The following PRKCB variants were observed in gnomAD, a reference collection of about 807,000 sequenced individuals.
PRKCB encodes protein kinase C beta type.
In PRKCB, 13 loss-of-function variants were observed where a neutral mutation model predicts 81.5. That is an observed-to-expected ratio of 0.16 (90% CI 0.10 to 0.25). The LOEUF (loss-of-function observed/expected upper bound fraction) is 0.25. Ranked by LOEUF, PRKCB falls within the 10% of genes least tolerant of loss-of-function variation. The pLI is 1.00. For missense variants in PRKCB, 509 were observed against 875.7 expected (o/e 0.58, Z 5.29); for synonymous variants, 335 against 321.4 (o/e 1.04, Z -0.45).
intron 5 of PRKCB, among the ~76,000 whole-genome samples, chr16:24,046,195 G>A (rs1965762298): frequency 6.6e-6 from 1 of 152,216 alleles, no homozygotes; most frequent in African/African-American, 2.4e-5. Context: ...TTTCTGGATG[G>A]CTTGCTGCAC....
intron 3 of PRKCB, among the ~76,000 whole-genome samples, chr16:23,995,798 C>T (rs1390869593): frequency 1.3e-5 from 2 of 152,230 alleles, no homozygotes; most frequent in Non-Finnish European, 2.9e-5. Context: ...CACCTTTGGG[C>T]TCATGAGGAG....
At chr16:24,171,300 G>A (rs1253519766) in intron 10 of PRKCB, among the ~76,000 whole-genome samples, 2 of 152,196 alleles carry the variant, frequency 1.3e-5, no homozygotes, top group Non-Finnish European at 2.9e-5. Context: ...CTGGCAGGAG[G>A]CCTCAGTTCT....
intron 2 of PRKCB, among the ~76,000 whole-genome samples, chr16:23,929,927 A>G (rs1261783272): frequency 6.6e-6 from 1 of 151,992 alleles, no homozygotes; most frequent in Non-Finnish European, 1.5e-5. Context: ...ACAGCGTACT[A>G]TGAAATGTGA....
chr16:23,921,981 G>T (rs1403157813), intron 2 of PRKCB, among the ~76,000 whole-genome samples: 1 of 152,106 alleles, frequency 6.6e-6, no homozygotes, highest in African/African-American at 2.4e-5. Flanking sequence ...GGCAGAGCAG[G>T]CAGGGGAACA....
At chr16:24,211,052 C>A (rs1011802926) in intron 16 of PRKCB, among the ~76,000 whole-genome samples, 1 of 151,962 alleles carries the variant, frequency 6.6e-6, no homozygotes, top group African/African-American at 2.4e-5. Flanking sequence ...GTGAGTTTAC[C>A]GAGGGGTCAT....
In PRKCB at chr16:24,218,511, C is replaced by A; in HGVS notation, c.*3695C>A. ...GTGCTCCTGAGTTCAGTGTGCCCAC[C>A]TCACTCCCACACCCTCACATAGACT... is the stretch of plus-strand genomic sequence containing the variant. On this transcript the variant is annotated 3_prime_UTR_variant, in exon 17 of 17. Transcript: ENST00000643927. The A allele has an allele frequency of 1.0e-6, 1 of 985,442 alleles. No homozygotes were observed. The highest frequency in any genetic ancestry group is 1.2e-6 in the Non-Finnish European group (1 of 829,950). The allele number at this position is 985,442 out of a possible 1,614,324, so 61.0% of individuals were successfully genotyped here.
At chr16:23,920,936 G>C (rs1206266750) in intron 2 of PRKCB, among the ~76,000 whole-genome samples, 1 of 152,140 alleles carries the variant, frequency 6.6e-6, no homozygotes, top group Non-Finnish European at 1.5e-5. Context: ...CACATGGCTG[G>C]GGAGGCCTCA....
chr16:24,141,461 G>T (rs1414531392), intron 9 of PRKCB, among the ~76,000 whole-genome samples: 2 of 152,204 alleles, frequency 1.3e-5, no homozygotes, highest in African/African-American at 4.8e-5. Flanking sequence ...CTCCCAAAGT[G>T]CTGGGATTAC....
At chr16:24,037,567 A>C (rs1173292717) in intron 5 of PRKCB, among the ~76,000 whole-genome samples, 6 of 152,050 alleles carry the variant, frequency 3.9e-5, no homozygotes, top group Non-Finnish European at 7.4e-5. Flanking sequence ...TTTTTTGTTT[A>C]GTTTAGTTTC....
intron 13 of PRKCB, among the ~76,000 whole-genome samples, chr16:24,183,593 A>G (rs1182573008): frequency 6.6e-6 from 1 of 152,282 alleles, no homozygotes; most frequent in African/African-American, 2.4e-5. Context: ...TTAAACAAGC[A>G]ATAACTGAAT....
At chr16:24,182,109 T>G (rs902344775) in intron 13 of PRKCB, among the ~76,000 whole-genome samples, 3 of 152,202 alleles carry the variant, frequency 2.0e-5, no homozygotes, top group African/African-American at 7.2e-5. Flanking sequence ...ATTATCATTT[T>G]GTTAATTAAT....
chr16:24,070,251 C>T (rs542854892), intron 5 of PRKCB, among the ~76,000 whole-genome samples: 19 of 151,288 alleles, frequency 1.3e-4, no homozygotes, highest in African/African-American at 3.9e-4. Flanking sequence ...TGGGTTCAAG[C>T]GATTCTTGTG....
intron 5 of PRKCB, among the ~76,000 whole-genome samples, chr16:24,078,850 C>T (rs1316434160): frequency 6.6e-6 from 1 of 152,152 alleles, no homozygotes; most frequent in African/African-American, 2.4e-5. Flanking sequence ...AGGGAAACCG[C>T]TGTAGAAAAT....
chr16:24,126,825 C>T (rs150730678), intron 9 of PRKCB, among the ~76,000 whole-genome samples: 4 of 151,726 alleles, frequency 2.6e-5, no homozygotes, highest in East Asian at 1.9e-4. Flanking sequence ...CATGAGCCAC[C>T]GCACCTGACC....
intron 2 of PRKCB, among the ~76,000 whole-genome samples, chr16:23,848,610 C>T (rs115503754): frequency 0.013 from 2,000 of 152,294 alleles, 39 homozygotes; most frequent in African/African-American, 0.045. Flanking sequence ...CCCTCTCCCT[C>T]TCCACTGCTG....
Position 24,134,590 on chromosome 16 carries a change from C to T in PRKCB, c.1065+10609C>T, listed in dbSNP as rs568282475. On this transcript the variant is annotated intron_variant, in intron 9 of 16. Coordinates refer to ENST00000643927, the MANE Select transcript of PRKCB (RefSeq NM_002738.7). Reference sequence around the variant, plus strand: ...TGAAACCCCATCTCTACTAAAAATACAAATAAAAATTAGCCGGGCGTGGTG... The same window carrying T: ...TGAAACCCCATCTCTACTAAAAATATAAATAAAAATTAGCCGGGCGTGGTG... Among the ~76,000 whole-genome samples the T allele has an allele frequency of 4.6e-5, 7 of 152,082 alleles. No homozygotes were observed. In the South Asian group the frequency reaches 1.5e-3, roughly 32 times the overall value.
chr16:24,068,494 C>T (rs75154736), intron 5 of PRKCB, among the ~76,000 whole-genome samples: 1 of 130,810 alleles, frequency 7.6e-6, no homozygotes, highest in Non-Finnish European at 1.6e-5. Flanking sequence ...AAAAAAAAAC[C>T]ACACACAGAA....
At chr16:24,081,009 A>G (rs1013151410) in intron 5 of PRKCB, among the ~76,000 whole-genome samples, 1 of 152,186 alleles carries the variant, frequency 6.6e-6, no homozygotes, top group African/African-American at 2.4e-5. Context: ...AACTACAAGC[A>G]AATATCTCAA....
chr16:24,119,066 T>G (rs1256546391), intron 8 of PRKCB, among the ~76,000 whole-genome samples: 1 of 151,918 alleles, frequency 6.6e-6, no homozygotes, highest in East Asian at 1.9e-4. Context: ...AGTTGGCAAC[T>G]AATTAAATAT....
Sources: gnomAD v4.1 joint callset for allele counts (sites outside exome capture counted in the v4.1 genomes callset) on GRCh38, gnomAD v4.1.1 for gene constraint, MANE v1.5 for transcripts, NCBI Gene and HGNC (gene_info 2026-07-23, HGNC 2026-07-21) for gene names.